Variants in INTU observed in about 807,000 individuals in gnomAD.
INTU encodes the protein inturned planar cell polarity protein.
In INTU, 68 loss-of-function variants were observed where a neutral mutation model predicts 100.5. The ratio of observed to expected loss-of-function variants is 0.68; its 90% CI spans 0.56 to 0.83. INTU has a LOEUF of 0.83. Ranked by LOEUF, INTU falls within the 40% of genes least tolerant of loss-of-function variation. The probability of loss-of-function intolerance (pLI) is 0.00; values close to 1 mark genes in which losing one functional copy is unlikely to be tolerated. For synonymous variants in INTU, 357 were observed against 395.7 expected, an observed-to-expected ratio of 0.90 and a Z score of 1.16; for missense variants, 1,071 against 1,114.7, an observed-to-expected ratio of 0.96 and a Z score of 0.56.
rs547327842 is a variant in INTU, at chr4:127,655,948, C to T, written c.683-688C>T. On this transcript the variant is annotated intron_variant, in intron 2 of 15. Transcript: ENST00000335251. ...TGGTGCGCCGTTTTTTAAACCGGTC[C>T]GAAAAGCGCAATATTCGGGTGGGAG... Among the ~76,000 whole-genome samples, 604 of 152,230 alleles carry T rather than the reference C, an allele frequency of 4.0e-3. 2 individuals are homozygous for T. Among genetic ancestry groups the T allele is most frequent in the African/African-American group, 0.013 (559 of 41,540 alleles).
rs1731307654 is a variant in INTU at position 127,718,958 on chromosome 4, T to C, written c.*2522T>C. The C allele has an allele frequency of 1.3e-5, 2 of 152,216 alleles. No individual in the cohort carries two copies. The highest frequency in any genetic ancestry group is 1.3e-4 in the Admixed American group (2 of 15,274). 9.4% of individuals were successfully genotyped at this position (152,216 alleles called of 1,614,324 possible). A position where few individuals can be genotyped will look rare whatever the true frequency, so the allele number is the denominator to read the frequency against. On this transcript the variant is annotated 3_prime_UTR_variant, in exon 16 of 16. Coordinates refer to ENST00000335251, the MANE Select transcript of INTU (RefSeq NM_015693.4). Reference sequence around the variant, plus strand: ...AAGACATTTTGACTTCCTCTCTTCTTCTTTGAATACCCTTTATTTCTTTCT... The same window carrying C: ...AAGACATTTTGACTTCCTCTCTTCTCCTTTGAATACCCTTTATTTCTTTCT...
At chr4:127,687,612 A>G in intron 7 of INTU, 66 bp from the exon 8 acceptor site, 1 of 1,278,452 alleles carries the variant, frequency 7.8e-7, no homozygotes, top group Non-Finnish European at 1.1e-6. Flanking sequence ...CAGTTCCCTT[A>G]GGAGCACACA....
intron 6 of INTU, among the ~76,000 whole-genome samples, chr4:127,682,279 A>G (rs1223100080): frequency 2.6e-5 from 4 of 152,118 alleles, no homozygotes; most frequent in Non-Finnish European, 2.9e-5. Context: ...ACTATAAATC[A>G]TGCTGCTATA....
At chr4:127,658,017 G>A (rs1353065564) in intron 3 of INTU, among the ~76,000 whole-genome samples, 1 of 152,130 alleles carries the variant, frequency 6.6e-6, no homozygotes, top group East Asian at 1.9e-4. Flanking sequence ...GTGAGAGGAT[G>A]AAGTCGTTTT....
chr4:127,692,515 G>T (rs1375732312), intron 8 of INTU, among the ~76,000 whole-genome samples: 1 of 152,096 alleles, frequency 6.6e-6, no homozygotes. Flanking sequence ...TATAGATTGT[G>T]AAGATTTTCT....
At chr4:127,639,237 T>C (rs1286252399) in intron 1 of INTU, among the ~76,000 whole-genome samples, 8 of 152,178 alleles carry the variant, frequency 5.3e-5, no homozygotes, top group Non-Finnish European at 1.2e-4. Flanking sequence ...GTCTGCTTAG[T>C]CTCCTCTGGT....
chr4:127,640,540 T>A (rs1449024436), intron 1 of INTU, among the ~76,000 whole-genome samples: 1 of 84,524 alleles, frequency 1.2e-5, no homozygotes, highest in Non-Finnish European at 2.3e-5. Flanking sequence ...TGGGTAAAGA[T>A]ACATATATAT....
rs1006462870 is a variant in INTU at position 127,726,482 on chromosome 4, T to G, written c.*10046T>G. The G allele has an allele frequency of 6.6e-6, 1 of 152,186 alleles. No individual in the cohort carries two copies. The highest frequency in any genetic ancestry group is 2.4e-5 in the African/African-American group (1 of 41,462). The allele number at this position is 152,186 out of a possible 1,614,324, so 9.4% of individuals were successfully genotyped here. A position where few individuals can be genotyped will look rare whatever the true frequency, so the allele number is the denominator to read the frequency against. On this transcript the variant is annotated 3_prime_UTR_variant, in exon 16 of 16. Coordinates refer to ENST00000335251, the MANE Select transcript of INTU (RefSeq NM_015693.4). ...ATCCATTGGTTGAAAAACCAAGTAG[T>G]CAGCTAAATCATACCTGCTACTGTA... is the stretch of plus-strand genomic sequence containing the variant.
At position 127,643,975 on chromosome 4, in the gene INTU, A is replaced by G. The variant is rs199652778; in HGVS notation, c.601A>G (p.Lys201Glu). 6 of 1,614,108 alleles carry G rather than the reference A, an allele frequency of 3.7e-6. No homozygotes were observed. In the East Asian group the frequency reaches 8.9e-5, roughly 24 times the overall value. ...CAAGTGGAGCTGGAGAAGAACCGGA[A>G]AGCAGGGTGATGGAGAGAGGCTTGT... ...QTKWSWRRTG[K>E]QGDGERLVVH... Residue 201 changes from lysine (K) to glutamate (E), a missense_variant, in exon 2 of 16, where the codon AAG (lysine) becomes GAG (glutamate). Physicochemically the swap from Lys to Glu is moderately conservative, Grantham distance 56 (BLOSUM62 1). Transcript: ENST00000335251.
intron 8 of INTU, among the ~76,000 whole-genome samples, chr4:127,690,410 A>G (rs917925077): frequency 5.9e-5 from 9 of 152,050 alleles, no homozygotes; most frequent in Non-Finnish European, 1.0e-4. Context: ...TGTGGAGATC[A>G]GTGTTCATTG....
chr4:127,719,855 A>G lies in INTU; in HGVS notation c.*3419A>G, dbSNP rs1731320387. Reference sequence around the variant, plus strand: ...CCCTTTATCATTTTTTATTGTGTCTATTTGGTTCTTCTCTCTTTTCTTCTT... The same window carrying G: ...CCCTTTATCATTTTTTATTGTGTCTGTTTGGTTCTTCTCTCTTTTCTTCTT... On this transcript the variant is annotated 3_prime_UTR_variant, in exon 16 of 16. Coordinates refer to ENST00000335251, the MANE Select transcript of INTU (RefSeq NM_015693.4). 6.6e-6 allele frequency: 1 copy of G among 151,058 alleles called. No individual in the cohort carries two copies. The highest frequency in any genetic ancestry group is 2.4e-5 in the African/African-American group (1 of 41,106). 9.4% of individuals were successfully genotyped at this position (151,058 alleles called of 1,614,324 possible). A position where few individuals can be genotyped will look rare whatever the true frequency, so the allele number is the denominator to read the frequency against.
intron 15 of INTU, 77 bp from the exon 16 acceptor site, chr4:127,716,242 AAAAATT>A (rs1348579734): frequency 2.3e-5 from 15 of 638,822 alleles, no homozygotes; most frequent in Non-Finnish European, 3.7e-5. Context: ...TTTCAGAAAC[AAAAATT>A]AAATTAATTG....
chr4:127,648,063 G>C (rs1228837056), intron 2 of INTU, among the ~76,000 whole-genome samples: 1 of 151,966 alleles, frequency 6.6e-6, no homozygotes, highest in African/African-American at 2.4e-5. Context: ...TATTTTATTT[G>C]GTTCTTAAAT....
rs945703240 is a variant in INTU at position 127,656,947 on chromosome 4, C to G, written c.768+226C>G. On this transcript the variant is annotated intron_variant, in intron 3 of 15. Transcript: ENST00000335251. ...TCTACAAGTAAAATTCTACATAAAG[C>G]AGTAACAGCAACAGTAATGAAAACA... is the stretch of plus-strand genomic sequence containing the variant. Among the ~76,000 whole-genome samples the G allele has an allele frequency of 7.8e-4, 119 of 152,146 alleles. 1 individual carries two copies. Among genetic ancestry groups the G allele is most frequent in the African/African-American group, 2.8e-3 (115 of 41,510 alleles).
intron 9 of INTU, among the ~76,000 whole-genome samples, chr4:127,700,494 G>T (rs533132764): frequency 6.6e-6 from 1 of 152,156 alleles, no homozygotes; most frequent in African/African-American, 2.4e-5. Flanking sequence ...CTAATACCCA[G>T]ACCATGGTGT....
chr4:127,715,626 G>A lies in INTU; in HGVS notation c.2718-699G>A, dbSNP rs140353040. Among the ~76,000 whole-genome samples the A allele has an allele frequency of 1.5e-3, 225 of 152,220 alleles. 2 individuals are homozygous for A. Among genetic ancestry groups the A allele is most frequent in the Non-Finnish European group, 2.7e-3 (184 of 68,016 alleles). The stretch of plus-strand genomic sequence containing the variant: ...ACTGCTGGAAGATTAAACAGGGAGC[G>A]CCAATGGAATGATGTGCACATGAGA... On this transcript the variant is annotated intron_variant, in intron 15 of 15. Transcript: ENST00000335251.
intron 8 of INTU, among the ~76,000 whole-genome samples, chr4:127,689,726 A>G (rs920075541): frequency 2.0e-5 from 3 of 151,856 alleles, no homozygotes; most frequent in Non-Finnish European, 2.9e-5. Flanking sequence ...AAAGGAAAGG[A>G]GAAAGAAAGG....
In INTU at chr4:127,719,075, T is replaced by G. The variant is rs1195884215; in HGVS notation, c.*2639T>G. 1.3e-5 allele frequency: 2 copies of G among 152,070 alleles called. No individual in the cohort carries two copies. Among genetic ancestry groups the G allele is most frequent in the African/African-American group, 4.8e-5 (2 of 41,388 alleles). The allele number at this position is 152,070 out of a possible 1,614,324, so 9.4% of individuals were successfully genotyped here. ...GTCTTGTGCTGGTTTTCAAGGGGAG[T>G]GCTTCCAGCTTTTGCCCATTCGGTA... On this transcript the variant is annotated 3_prime_UTR_variant, in exon 16 of 16. Transcript: ENST00000335251.
chr4:127,652,691 TTG>T (rs2126187859), intron 2 of INTU, among the ~76,000 whole-genome samples: 1 of 113,092 alleles, frequency 8.8e-6, no homozygotes, highest in African/African-American at 3.7e-5. Context: ...TCTTTTTTGG[TTG>T]TGTCTCTGCC....
Sources: gnomAD v4.1 joint callset for allele counts (sites outside exome capture counted in the v4.1 genomes callset) on GRCh38, gnomAD v4.1.1 for gene constraint, MANE v1.5 for transcripts, NCBI Gene and HGNC (gene_info 2026-07-23, HGNC 2026-07-21) for gene names.